CDON: variants seen among roughly 807,000 people sequenced by gnomAD.
The protein encoded by CDON is cell adhesion molecule-related/down-regulated by oncogenes.
Under a neutral mutation model 120.9 loss-of-function variants are expected in CDON, and 73 were observed. The ratio of observed to expected loss-of-function variants is 0.60; its 90% CI spans 0.50 to 0.73. The LOEUF (loss-of-function observed/expected upper bound fraction) is 0.73, where lower values mean the gene tolerates loss of function less well. Ranked by LOEUF, CDON falls within the 30% of genes least tolerant of loss-of-function variation. The probability of loss-of-function intolerance (pLI) is 0.00; values close to 1 mark genes in which losing one functional copy is unlikely to be tolerated. For missense variants in CDON, 1,470 were observed against 1,587.3 expected, an observed-to-expected ratio of 0.93 and a Z score of 1.26; for synonymous variants, 566 against 573.5, an observed-to-expected ratio of 0.99 and a Z score of 0.19.
At chr11:126,035,132 C>T (rs1948060095) in intron 1 of CDON, among the ~76,000 whole-genome samples, 1 of 152,180 alleles carries the variant, frequency 6.6e-6, no homozygotes, top group Non-Finnish European at 1.5e-5. Context: ...AAGACTCACC[C>T]TCATGGGGTT....
intron 17 of CDON, 48 bp from the exon 18 acceptor site, chr11:125,978,431 G>T: frequency 8.2e-7 from 1 of 1,222,208 alleles, no homozygotes; most frequent in Non-Finnish European, 1.2e-6. Context: ...AAGGAATGCT[G>T]AAGGTACTCA....
At chr11:125,976,263 C>T (rs182933496) in intron 18 of CDON, among the ~76,000 whole-genome samples, 6 of 152,248 alleles carry the variant, frequency 3.9e-5, no homozygotes, top group Non-Finnish European at 8.8e-5. Context: ...CTTATTGATA[C>T]TTATCTGTCC....
At chr11:126,006,745 C>T (rs752216289) in intron 8 of CDON, among the ~76,000 whole-genome samples, 21 of 152,040 alleles carry the variant, frequency 1.4e-4, no homozygotes, top group Admixed American at 1.0e-3. Context: ...ACACTTACTA[C>T]TAACAGCATA....
chr11:126,018,208 C>CT, intron 5 of CDON, 122 bp downstream of exon 5: 1 of 1,114,398 alleles, frequency 9.0e-7, no homozygotes, highest in Non-Finnish European at 1.3e-6. Context: ...CCTGTATTTA[C>CT]TTTTTTGGTA....
At chr11:126,055,739 T>G (rs1470623253) in intron 1 of CDON, among the ~76,000 whole-genome samples, 4 of 152,230 alleles carry the variant, frequency 2.6e-5, no homozygotes, top group Non-Finnish European at 5.9e-5. Flanking sequence ...GCTTCAGATG[T>G]GTACCTATAT....
At chr11:125,976,582 A>C (rs993421535) in intron 18 of CDON, among the ~76,000 whole-genome samples, 1 of 146,768 alleles carries the variant, frequency 6.8e-6, no homozygotes, top group African/African-American at 2.5e-5. Flanking sequence ...GAAAATACTA[A>C]AATACTACAT....
In CDON at chr11:125,981,250, T is replaced by C; in HGVS notation, c.3075A>G (p.Ala1025=). The change falls in exon 17 of 20, where the codon GCA becomes GCG. Residue 1025 remains alanine, a synonymous_variant. Coordinates refer to ENST00000531738, the MANE Select transcript of CDON (RefSeq NM_001378964.1). ...QMVDYTTLSG[A]SQINGNVHGG... ...CGTGAACATTTCCATTTATCTGACT[T>C]GCTCCTGAGAGAGTGGTGTAGTCCA... 6.2e-7 allele frequency: 1 copy of C among 1,614,164 alleles called. No homozygotes were observed. The highest frequency in any genetic ancestry group is 1.1e-5 in the South Asian group (1 of 91,078).
Position 125,984,423 on chromosome 11 carries a change from G to A in CDON, c.2774-330C>T, listed in dbSNP as rs193064291. Among the ~76,000 whole-genome samples the A allele has an allele frequency of 1.6e-3, 245 of 152,338 alleles. 3 individuals carry two copies. Among genetic ancestry groups the A allele is most frequent in the Non-Finnish European group, 9.6e-4 (65 of 68,028 alleles). On this transcript the variant is annotated intron_variant, in intron 15 of 19. Transcript: ENST00000531738. ...AAAAGTGTTTCCACTTAGGCCGGGC[G>A]TGGTGGCTCACGCCTGTAATCCCAG...
chr11:126,045,100 A>T (rs1296346462), intron 1 of CDON, among the ~76,000 whole-genome samples: 1 of 152,208 alleles, frequency 6.6e-6, no homozygotes, highest in Non-Finnish European at 1.5e-5. Flanking sequence ...ATCTCGGCTC[A>T]CTGCAACCTC....
At chr11:126,040,851 C>T (rs1364309897) in intron 1 of CDON, among the ~76,000 whole-genome samples, 1 of 101,598 alleles carries the variant, frequency 9.8e-6, no homozygotes, top group South Asian at 3.3e-4. Flanking sequence ...AAAAAAGGTA[C>T]TAAAGTCAAG....
intron 17 of CDON, among the ~76,000 whole-genome samples, chr11:125,979,179 C>A (rs1320060103): frequency 6.6e-6 from 1 of 152,208 alleles, no homozygotes; most frequent in Non-Finnish European, 1.5e-5. Flanking sequence ...TGTCACACTG[C>A]ACCCAAACCC....
rs764189518 is a variant in CDON, at chr11:125,961,958, G to A, written c.3397C>T (p.Pro1133Ser). 1 of 1,614,132 alleles carries A rather than the reference G, an allele frequency of 6.2e-7. No individual in the cohort carries two copies. Among genetic ancestry groups the A allele is most frequent in the Non-Finnish European group, 8.5e-7 (1 of 1,180,050 alleles). Residue 1133 changes from proline (P) to serine (S), a missense_variant, in exon 19 of 20, where the codon CCT (proline) becomes TCT (serine). Physicochemically the swap from Pro to Ser is moderately conservative, Grantham distance 74. Coordinates refer to ENST00000531738, the MANE Select transcript of CDON (RefSeq NM_001378964.1). ...KTNSTFSSSP[P>S]PVVPVVAPYP... ...GGTGCTACCACAGGGACCACAGGAGGAGGGCTGCTGCTGAAAGTGCTGTTG... is the reference window on the plus strand; with the variant it reads ...GGTGCTACCACAGGGACCACAGGAGAAGGGCTGCTGCTGAAAGTGCTGTTG...
At chr11:125,968,055 A>T (rs1198994830) in intron 18 of CDON, among the ~76,000 whole-genome samples, 1 of 152,188 alleles carries the variant, frequency 6.6e-6, no homozygotes, top group Non-Finnish European at 1.5e-5. Flanking sequence ...GAAGTATCAG[A>T]TCAGAAAGAA....
At chr11:125,992,075 A>G (rs1467805070) in intron 14 of CDON, among the ~76,000 whole-genome samples, 3 of 152,206 alleles carry the variant, frequency 2.0e-5, no homozygotes, top group Admixed American at 1.3e-4. Flanking sequence ...AGAGAGACAA[A>G]GACAGATACT....
rs1947628201 is a variant in CDON at position 126,021,309 on chromosome 11, C to T, written c.288G>A (p.Gln96=). ...SLNSSLLGYY[Q]CLANNSIGAI... Reference sequence around the variant, plus strand: ...CACCGATGCTATTGTTGGCAAGGCACTGGTAGTAACCCAAAAGAGAGGAGT... The same window carrying T: ...CACCGATGCTATTGTTGGCAAGGCATTGGTAGTAACCCAAAAGAGAGGAGT... Residue 96 remains glutamine (Q), a synonymous_variant, in exon 3 of 20, where the codon CAG becomes CAA. Coordinates refer to ENST00000531738, the MANE Select transcript of CDON (RefSeq NM_001378964.1). The T allele has an allele frequency of 1.2e-6, 2 of 1,614,186 alleles. No individual in the cohort carries two copies. The highest frequency in any genetic ancestry group is 1.7e-6 in the Non-Finnish European group (2 of 1,180,016).
At chr11:126,062,932 T>C (rs935199420), upstream of CDON, 2 of 150,846 alleles carry the variant, frequency 1.3e-5, no homozygotes, top group East Asian at 2.0e-4. Flanking sequence ...ACTCGGAGGG[T>C]GCTGGGCCGG....
chr11:125,981,619 T>C (rs1278797506), intron 16 of CDON, among the ~76,000 whole-genome samples: 1 of 152,172 alleles, frequency 6.6e-6, no homozygotes, highest in Non-Finnish European at 1.5e-5. Context: ...TAGAGATAGC[T>C]GTGAACTCTG....
At chr11:126,043,611 CAGAT>C (rs1188756616) in intron 1 of CDON, among the ~76,000 whole-genome samples, 4 of 152,140 alleles carry the variant, frequency 2.6e-5, no homozygotes, top group East Asian at 3.9e-4. Flanking sequence ...AAAGAACACT[CAGAT>C]AGCCTCCCCA....
intron 11 of CDON, 134 bp downstream of exon 11, chr11:126,001,585 T>C: frequency 1.4e-6 from 1 of 723,844 alleles, no homozygotes; most frequent in East Asian, 2.8e-5. Flanking sequence ...ACATTAAAAT[T>C]GTTGAAATAG....
Sources: gnomAD v4.1 joint callset for allele counts (sites outside exome capture counted in the v4.1 genomes callset) on GRCh38, gnomAD v4.1.1 for gene constraint, MANE v1.5 for transcripts, NCBI Gene and HGNC (gene_info 2026-07-23, HGNC 2026-07-21) for gene names.